The following ARHGAP8 variants were observed in gnomAD, a reference collection of about 807,000 sequenced individuals.
ARHGAP8 encodes Rho GTPase activating protein 8.
A neutral mutation model predicts 46.1 loss-of-function variants in ARHGAP8; 62 were observed. That is an observed-to-expected ratio of 1.34 (90% CI 1.10 to 1.66). The LOEUF is 1.66. Ranked by LOEUF, ARHGAP8 falls within the 40% of genes most tolerant of loss-of-function variation. The pLI is 0.00. For missense variants in ARHGAP8, 923 were observed against 568.4 expected (o/e 1.62, Z -6.34); for synonymous variants, 375 against 243.1 (o/e 1.54, Z -5.05).
chr22:44,855,910 G>A (rs534142448), intron 10 of ARHGAP8, among the ~76,000 whole-genome samples: 1 of 152,318 alleles, frequency 6.6e-6, no homozygotes, highest in African/African-American at 2.4e-5. Context: ...AGGAAGCACG[G>A]TGTTGGCATC....
chr22:44,761,840 A>G (rs1925156168), intron 1 of ARHGAP8, among the ~76,000 whole-genome samples: 1 of 152,222 alleles, frequency 6.6e-6, no homozygotes, highest in Non-Finnish European at 1.5e-5. Flanking sequence ...GTGAAGGAAG[A>G]GCAAAGGAAC....
At chr22:44,769,656 G>A (rs1925851843) in intron 1 of ARHGAP8, among the ~76,000 whole-genome samples, 1 of 152,080 alleles carries the variant, frequency 6.6e-6, no homozygotes, top group Admixed American at 6.6e-5. Context: ...AGTTTTCTGT[G>A]TAAAGGTTAG....
chr22:44,763,831 CAAAA>C (rs947299107), intron 1 of ARHGAP8, among the ~76,000 whole-genome samples: 2 of 132,096 alleles, frequency 1.5e-5, no homozygotes, highest in African/African-American at 2.8e-5. Context: ...GACGGAGTCT[CAAAA>C]AAAGTACAAA....
intron 1 of ARHGAP8, among the ~76,000 whole-genome samples, chr22:44,768,153 C>A (rs541236679): frequency 6.6e-6 from 1 of 151,358 alleles, no homozygotes; most frequent in Non-Finnish European, 1.5e-5. Flanking sequence ...CCCACCACCA[C>A]GCCCGGCTAA....
chr22:44,862,292 C>T lies in ARHGAP8; in HGVS notation c.999C>T (p.Ile333=), dbSNP rs1436509234. ...TCCTCCAGGTGTCCCGGGAGAGCAT[C>T]TTCAACAAAATGAACAGCTCTAACC... The part of the protein sequence containing the change: ...GFLHAVSRES[I]FNKMNSSNLA... The change falls in exon 12 of 12, where the codon ATC becomes ATT. Residue 333 remains isoleucine (I), a synonymous_variant. Coordinates refer to ENST00000356099, the MANE Select transcript of ARHGAP8 (RefSeq NM_181335.3). The T allele has an allele frequency of 1.3e-6, 2 of 1,596,286 alleles. No individual in the cohort carries two copies. Among genetic ancestry groups the T allele is most frequent in the African/African-American group, 1.3e-5 (1 of 74,726 alleles).
At chr22:44,861,850 C>T (rs2070502418) in intron 11 of ARHGAP8, among the ~76,000 whole-genome samples, 2 of 152,184 alleles carry the variant, frequency 1.3e-5, no homozygotes, top group African/African-American at 2.4e-5. Context: ...TCTTTCCACT[C>T]TCCCTGCCCC....
intron 7 of ARHGAP8, among the ~76,000 whole-genome samples, chr22:44,832,968 AACACACACACACAC>A (rs56982617): frequency 1.3e-5 from 2 of 149,650 alleles, no homozygotes; most frequent in Admixed American, 6.7e-5. Flanking sequence ...GTCTATTAAA[AACACACACACACAC>A]ACACACACAA....
chr22:44,829,237 G>C (rs934439708), intron 7 of ARHGAP8, among the ~76,000 whole-genome samples: 2 of 150,670 alleles, frequency 1.3e-5, no homozygotes, highest in African/African-American at 4.9e-5. Context: ...GTTTCAGTGA[G>C]CCGAGATTTT....
chr22:44,794,858 T>A (rs1927961105), intron 2 of ARHGAP8, among the ~76,000 whole-genome samples: 1 of 152,010 alleles, frequency 6.6e-6, no homozygotes, highest in South Asian at 2.1e-4. Context: ...ATGCTGTGTG[T>A]TCACTTGGAA....
intron 11 of ARHGAP8, among the ~76,000 whole-genome samples, chr22:44,860,145 GTC>G (rs2070399970): frequency 6.6e-6 from 1 of 152,126 alleles, no homozygotes; most frequent in Non-Finnish European, 1.5e-5. Flanking sequence ...CTTGGGCTGA[GTC>G]TCTAGGAGGT....
At chr22:44,849,632 A>G (rs1055558302) in intron 10 of ARHGAP8, 1 of 152,868 alleles carries the variant, frequency 6.5e-6, no homozygotes, top group Admixed American at 6.5e-5. Context: ...CGAAAGAACC[A>G]TAAAACCCCT....
rs41278889 is a variant in ARHGAP8 at position 44,862,463 on chromosome 22, C to T, written c.1170C>T (p.His390=). 2.4e-3 allele frequency: 3,938 copies of T among 1,613,968 alleles called. 10 individuals are homozygous for T. Among genetic ancestry groups the T allele is most frequent in the African/African-American group, 0.011 (851 of 75,018 alleles). ...GCACCCCGGAGGCACCTGGGGAGCACGGCCTGGCACCATGGGAACAGGGGA... is the reference window on the plus strand; with the variant it reads ...GCACCCCGGAGGCACCTGGGGAGCATGGCCTGGCACCATGGGAACAGGGGA... ...IFSTPEAPGE[H]GLAPWEQGSR... is the part of the protein sequence containing the mutation. The change falls in exon 12 of 12, where the codon CAC becomes CAT. Residue 390 remains histidine, a synonymous_variant. Coordinates refer to ENST00000356099, the MANE Select transcript of ARHGAP8 (RefSeq NM_181335.3).
intron 1 of ARHGAP8, chr22:44,786,162 C>A (rs965435882): frequency 3.9e-6 from 2 of 509,906 alleles, no homozygotes; most frequent in East Asian, 7.3e-5. Context: ...CGGCTGATGT[C>A]GAGTGCATAA....
chr22:44,857,491 G>A (rs998448789), intron 10 of ARHGAP8, among the ~76,000 whole-genome samples: 1 of 152,168 alleles, frequency 6.6e-6, no homozygotes, highest in Non-Finnish European at 1.5e-5. Context: ...ACATGACATG[G>A]GTACCTTCGT....
chr22:44,859,903 A>T, intron 11 of ARHGAP8, 69 bp downstream of exon 11: 1 of 1,538,666 alleles, frequency 6.5e-7, no homozygotes, highest in Non-Finnish European at 8.8e-7. Flanking sequence ...GCCCGCATGG[A>T]CCAGTCCCCT....
chr22:44,815,273 G>A (rs554630593), intron 5 of ARHGAP8, among the ~76,000 whole-genome samples: 9 of 152,304 alleles, frequency 5.9e-5, no homozygotes, highest in African/African-American at 1.9e-4. Context: ...GGCTGGCCGC[G>A]GAAGCTCACC....
intron 1 of ARHGAP8, among the ~76,000 whole-genome samples, chr22:44,778,389 C>T (rs1267024222): frequency 7.2e-5 from 11 of 152,106 alleles, no homozygotes; most frequent in Admixed American, 1.3e-4. Context: ...AGTATTCCAT[C>T]GTATGTCTAT....
intron 5 of ARHGAP8, among the ~76,000 whole-genome samples, chr22:44,819,750 C>T (rs1310656564): frequency 6.6e-6 from 1 of 152,204 alleles, no homozygotes; most frequent in Non-Finnish European, 1.5e-5. Context: ...ACCTTATGTG[C>T]CAGCACCGCA....
chr22:44,766,498 G>A (rs1232770980), intron 1 of ARHGAP8, among the ~76,000 whole-genome samples: 1 of 151,994 alleles, frequency 6.6e-6, no homozygotes, highest in Admixed American at 6.6e-5. Flanking sequence ...CTGTGTACGT[G>A]TGTCTCTGTG....
Sources: gnomAD v4.1 joint callset for allele counts (sites outside exome capture counted in the v4.1 genomes callset) on GRCh38, gnomAD v4.1.1 for gene constraint, MANE v1.5 for transcripts, NCBI Gene and HGNC (gene_info 2026-07-23, HGNC 2026-07-21) for gene names.